The following PPP1R1C variants were observed in gnomAD, a reference collection of about 807,000 sequenced individuals.
PPP1R1C encodes protein phosphatase 1 regulatory subunit 1C.
PPP1R1C carries 15 observed loss-of-function variants against 17.4 expected under a neutral mutation model. The observed-to-expected ratio is 0.86, with a 90% CI of 0.58 to 1.33. The LOEUF (loss-of-function observed/expected upper bound fraction) is 1.33. Ranked by LOEUF, PPP1R1C falls within the 40% of genes most tolerant of loss-of-function variation. The probability of loss-of-function intolerance (pLI) is 0.00; values close to 1 mark genes in which losing one functional copy is unlikely to be tolerated. For missense variants in PPP1R1C, 143 were observed against 130.0 expected, an observed-to-expected ratio of 1.10 and a Z score of -0.48; for synonymous variants, 35 against 43.1, an observed-to-expected ratio of 0.81 and a Z score of 0.73.
chr2:182,067,576 A>G (rs1012569606), intron 4 of PPP1R1C, among the ~76,000 whole-genome samples: 1 of 152,142 alleles, frequency 6.6e-6, no homozygotes, highest in Middle Eastern at 3.2e-3. Context: ...ATGAAAGGAC[A>G]TGGACTTTGG....
At chr2:182,093,161 G>A (rs1301358042) in intron 4 of PPP1R1C, among the ~76,000 whole-genome samples, 1 of 152,118 alleles carries the variant, frequency 6.6e-6, no homozygotes, top group Non-Finnish European at 1.5e-5. Context: ...CACAATTCTT[G>A]ACTTCTGTAC....
chr2:182,018,394 T>C (rs1457766674), intron 2 of PPP1R1C, among the ~76,000 whole-genome samples: 1 of 152,162 alleles, frequency 6.6e-6, no homozygotes, highest in African/African-American at 2.4e-5. Context: ...GTAAATGCTG[T>C]AAGTGTTTGG....
chr2:182,002,105 C>G (rs16867524), intron 2 of PPP1R1C, among the ~76,000 whole-genome samples: 2 of 151,944 alleles, frequency 1.3e-5, no homozygotes, highest in African/African-American at 4.8e-5. Context: ...TAGCAGGCAC[C>G]AGCACCCTTT....
At chr2:182,083,680 T>G (rs1688545763) in intron 4 of PPP1R1C, among the ~76,000 whole-genome samples, 1 of 152,212 alleles carries the variant, frequency 6.6e-6, no homozygotes, top group Non-Finnish European at 1.5e-5. Context: ...GCACTTAGTT[T>G]TGTTCCATAT....
intron 1 of PPP1R1C, among the ~76,000 whole-genome samples, chr2:181,960,027 C>A (rs1273096129): frequency 1.3e-5 from 2 of 152,112 alleles, no homozygotes; most frequent in Non-Finnish European, 2.9e-5. Flanking sequence ...CTCCTTATAA[C>A]TAAAAGAGTC....
At chr2:182,012,609 T>A (rs1176360516) in intron 2 of PPP1R1C, among the ~76,000 whole-genome samples, 3 of 152,082 alleles carry the variant, frequency 2.0e-5, no homozygotes, top group Non-Finnish European at 4.4e-5. Context: ...TTACATTTAA[T>A]GTTATTATTG....
At chr2:181,998,728 A>T (rs1322867231) in intron 2 of PPP1R1C, among the ~76,000 whole-genome samples, 1 of 152,194 alleles carries the variant, frequency 6.6e-6, no homozygotes, top group Admixed American at 6.5e-5. Context: ...ATTTAAAATA[A>T]TTTTTCAAAA....
chr2:182,072,704 T>C (rs1185051330), intron 4 of PPP1R1C, among the ~76,000 whole-genome samples: 3 of 152,366 alleles, frequency 2.0e-5, no homozygotes, highest in African/African-American at 7.2e-5. Context: ...TATAGCTTGA[T>C]GGAAAATTTT....
chr2:182,008,560 A>G (rs1420099593), intron 2 of PPP1R1C, among the ~76,000 whole-genome samples: 1 of 152,200 alleles, frequency 6.6e-6, no homozygotes, highest in African/African-American at 2.4e-5. Context: ...TAGTAGGTGA[A>G]TATATTTATG....
intron 1 of PPP1R1C, among the ~76,000 whole-genome samples, chr2:181,974,801 A>G (rs1285977655): frequency 6.6e-6 from 1 of 152,238 alleles, no homozygotes; most frequent in Admixed American, 6.5e-5. Context: ...GTTAGGCAGC[A>G]GTAGCTGCCT....
upstream of PPP1R1C, among the ~76,000 whole-genome samples, chr2:181,981,566 C>T (rs1464144213): frequency 6.6e-6 from 1 of 151,960 alleles, no homozygotes; most frequent in Non-Finnish European, 1.5e-5. Context: ...GGGATTCGAC[C>T]ACATTTTATA....
intron 1 of PPP1R1C, among the ~76,000 whole-genome samples, chr2:181,965,499 T>A (rs1684890274): frequency 6.6e-6 from 1 of 152,240 alleles, no homozygotes. Flanking sequence ...GGGGTCAAGT[T>A]TCATTCTTCT....
At chr2:181,991,727 A>G (rs116228131) in intron 2 of PPP1R1C, among the ~76,000 whole-genome samples, 61 of 152,200 alleles carry the variant, frequency 4.0e-4, no homozygotes, top group Non-Finnish European at 7.5e-4. Context: ...GCCTCTCTGT[A>G]TTTTCAGTTC....
chr2:182,045,080 A>G (rs1687303117), intron 2 of PPP1R1C, among the ~76,000 whole-genome samples: 2 of 152,188 alleles, frequency 1.3e-5, no homozygotes, highest in Admixed American at 1.3e-4. Context: ...GTTCTTCCAT[A>G]TAGCTACTAG....
chr2:182,023,660 C>A (rs1686501457), intron 2 of PPP1R1C, among the ~76,000 whole-genome samples: 1 of 151,798 alleles, frequency 6.6e-6, no homozygotes, highest in Admixed American at 6.6e-5. Context: ...TCCTCTGGTT[C>A]CTCAGGCTGG....
intron 2 of PPP1R1C, among the ~76,000 whole-genome samples, chr2:182,039,310 T>C (rs1242797601): frequency 6.6e-6 from 1 of 152,172 alleles, no homozygotes; most frequent in Non-Finnish European, 1.5e-5. Context: ...ATGGTACTGC[T>C]CAAACCAGCT....
At chr2:182,027,355 G>C (rs1174392547) in intron 2 of PPP1R1C, among the ~76,000 whole-genome samples, 3 of 144,122 alleles carry the variant, frequency 2.1e-5, no homozygotes, top group Admixed American at 7.0e-5. Context: ...GTCTGTCATA[G>C]ATAGCTCTTA....
chr2:182,079,826 G>T (rs973585871), intron 4 of PPP1R1C, among the ~76,000 whole-genome samples: 3 of 152,112 alleles, frequency 2.0e-5, no homozygotes, highest in Non-Finnish European at 4.4e-5. Flanking sequence ...CAAGTCCTCA[G>T]GTGTTTCTGG....
At chr2:182,046,427 GAA>G (rs2125184064) in intron 2 of PPP1R1C, among the ~76,000 whole-genome samples, 1 of 152,126 alleles carries the variant, frequency 6.6e-6, no homozygotes, top group African/African-American at 2.4e-5. Context: ...ATTAGTCATA[GAA>G]ATTATTAACT....
Sources: gnomAD v4.1 joint callset for allele counts (sites outside exome capture counted in the v4.1 genomes callset) on GRCh38, gnomAD v4.1.1 for gene constraint, MANE v1.5 for transcripts, NCBI Gene and HGNC (gene_info 2026-07-23, HGNC 2026-07-21) for gene names.